Variants in MARK4 observed in about 807,000 individuals in gnomAD.
The protein encoded by MARK4 is MAP/microtubule affinity-regulating kinase 4.
MARK4 carries 19 observed loss-of-function variants against 81.5 expected under a neutral mutation model. The observed-to-expected ratio is 0.23, with a 90% confidence interval of 0.16 to 0.34. The LOEUF (loss-of-function observed/expected upper bound fraction) is 0.34. MARK4 is among the 10% of genes least tolerant of loss of function. The pLI is 1.00. For synonymous variants in MARK4, 436 were observed against 439.0 expected (o/e 0.99, Z 0.08); for missense variants, 772 against 1,058.8 (o/e 0.73, Z 3.76).
intron 8 of MARK4, among the ~76,000 whole-genome samples, chr19:45,275,006 A>C (rs1970580319): frequency 6.6e-6 from 1 of 152,170 alleles, no homozygotes; most frequent in Admixed American, 6.5e-5. Context: ...CATGCCTGTA[A>C]TCCCAGCACC....
chr19:45,262,591 C>T (rs1297149932), intron 2 of MARK4, among the ~76,000 whole-genome samples: 1 of 152,216 alleles, frequency 6.6e-6, no homozygotes, highest in Non-Finnish European at 1.5e-5. Flanking sequence ...TCCATGCCCA[C>T]ATCCACTCAG....
chr19:45,283,102 T>G (rs1000579378), intron 12 of MARK4, among the ~76,000 whole-genome samples: 1 of 151,882 alleles, frequency 6.6e-6, no homozygotes, highest in Non-Finnish European at 1.5e-5. Flanking sequence ...AAAAGAAAAT[T>G]CACAACTTTT....
intron 16 of MARK4, among the ~76,000 whole-genome samples, chr19:45,301,215 C>T (rs1331636115): frequency 2.6e-5 from 4 of 151,720 alleles, no homozygotes; most frequent in Non-Finnish European, 5.9e-5. Context: ...CCCAGGAGGT[C>T]GAGGCTGCAG....
At chr19:45,293,326 A>G (rs899513151) in intron 13 of MARK4, among the ~76,000 whole-genome samples, 2 of 152,294 alleles carry the variant, frequency 1.3e-5, no homozygotes, top group Admixed American at 1.3e-4. Flanking sequence ...TTAAGGAAAA[A>G]AGACAGCAAA....
intron 16 of MARK4, among the ~76,000 whole-genome samples, chr19:45,300,797 G>T (rs1186451674): frequency 3.3e-5 from 5 of 152,096 alleles, no homozygotes; most frequent in Non-Finnish European, 5.9e-5. Flanking sequence ...CTAAACCAAT[G>T]CCTGCAGCCA....
In MARK4 at chr19:45,263,131, G is replaced by C; in HGVS notation, c.271G>C (p.Asp91His). Residue 91 changes from aspartate (D) to histidine (H), a missense_variant, in exon 3 of 17, where the codon GAC (aspartate) becomes CAC (histidine). Physicochemically the swap from Asp to His is moderately conservative, Grantham distance 81 (BLOSUM62 -1). Coordinates refer to ENST00000262891, the MANE Select transcript of MARK4 (RefSeq NM_001199867.2). ...TGREVAIKII[D>H]KTQLNPSSLQ... ...CCTCTAGGTTGCCATCAAGATTATC[G>C]ACAAAACCCAGCTGAATCCCAGCAG... The C allele has an allele frequency of 1.2e-6, 2 of 1,607,458 alleles. No homozygotes were observed. The highest frequency in any genetic ancestry group is 1.7e-6 in the Non-Finnish European group (2 of 1,176,774).
chr19:45,257,328 CTAT>C (rs1970319284), intron 1 of MARK4, among the ~76,000 whole-genome samples: 2 of 151,322 alleles, frequency 1.3e-5, no homozygotes, highest in South Asian at 4.2e-4. Flanking sequence ...AGCTGTAATG[CTAT>C]TATTGCACAC....
At chr19:45,292,262 A>C (rs1183655126) in intron 13 of MARK4, among the ~76,000 whole-genome samples, 2 of 149,572 alleles carry the variant, frequency 1.3e-5, no homozygotes, top group East Asian at 4.1e-4. Context: ...ACATGGTGAG[A>C]TCCTATCTCT....
intron 8 of MARK4, among the ~76,000 whole-genome samples, chr19:45,274,003 A>T (rs1463732988): frequency 2.6e-5 from 4 of 151,658 alleles, no homozygotes; most frequent in Non-Finnish European, 5.9e-5. Flanking sequence ...TAATCCCAGC[A>T]CTTTGGGAGG....
chr19:45,251,763 C>G, intron 1 of MARK4, 124 bp downstream of exon 1: 1 of 837,692 alleles, frequency 1.2e-6, no homozygotes. Context: ...GGCTCGTCAC[C>G]TCTCGACCCC....
chr19:45,263,544 C>T (rs1970407881), intron 4 of MARK4, among the ~76,000 whole-genome samples, 177 bp downstream of exon 4: 1 of 151,874 alleles, frequency 6.6e-6, no homozygotes. Context: ...GAGTTCGACA[C>T]CAGTCTGACC....
At chr19:45,255,765 G>T (rs977224764) in intron 1 of MARK4, among the ~76,000 whole-genome samples, 1 of 152,178 alleles carries the variant, frequency 6.6e-6, no homozygotes, top group Non-Finnish European at 1.5e-5. Flanking sequence ...TGGGCCCCCA[G>T]CCCATCAGCC....
At chr19:45,282,092 G>GA (rs1392031372) in intron 12 of MARK4, among the ~76,000 whole-genome samples, 2 of 151,850 alleles carry the variant, frequency 1.3e-5, no homozygotes, top group Non-Finnish European at 2.9e-5. Flanking sequence ...GCGTGTTGGT[G>GA]CGTGCCTATA....
chr19:45,252,188 C>G (rs945962612), intron 1 of MARK4, among the ~76,000 whole-genome samples: 2 of 151,988 alleles, frequency 1.3e-5, no homozygotes, highest in Non-Finnish European at 2.9e-5. Context: ...GTGGGCAGCC[C>G]CTGGCAGGAA....
intron 15 of MARK4, among the ~76,000 whole-genome samples, chr19:45,298,776 G>A (rs1970926027): frequency 6.6e-6 from 1 of 152,060 alleles, no homozygotes; most frequent in Non-Finnish European, 1.5e-5. Context: ...AAGTAACTAA[G>A]AAGAAAAATA....
At chr19:45,259,273 C>T (rs1407986580) in intron 2 of MARK4, 84 bp downstream of exon 2, 2 of 1,481,758 alleles carry the variant, frequency 1.3e-6, no homozygotes, top group Non-Finnish European at 9.1e-7. Flanking sequence ...TCAGGATTGG[C>T]CCTGGGTTTG....
intron 8 of MARK4, among the ~76,000 whole-genome samples, chr19:45,276,627 T>G (rs1333249935): frequency 1.3e-5 from 2 of 149,198 alleles, no homozygotes; most frequent in Non-Finnish European, 3.0e-5. Flanking sequence ...TACAGATTTT[T>G]TTTTTTTTTT....
chr19:45,299,580 C>T (rs1445418853), intron 15 of MARK4, among the ~76,000 whole-genome samples: 2 of 152,216 alleles, frequency 1.3e-5, no homozygotes, highest in African/African-American at 4.8e-5. Context: ...CACTCCCCTC[C>T]CTTTCATCTT....
chr19:45,263,408 A>T lies in MARK4; in HGVS notation c.355+41A>T, dbSNP rs1970405538. The T allele has an allele frequency of 5.0e-6, 8 of 1,613,154 alleles. No homozygotes were observed. The Admixed American group carries it at 1.3e-4, about 27-fold the overall frequency. On this transcript the variant is annotated intron_variant, in intron 4 of 16. Transcript: ENST00000262891. The stretch of plus-strand genomic sequence containing the variant: ...GAGCAGGGGCAGGCCACCAACTGGA[A>T]CACTTGCAAAGGAGTTGGGGGTGGT...
Sources: allele counts gnomAD v4.1 joint callset (sites outside exome capture counted in the v4.1 genomes callset), GRCh38; gene constraint gnomAD v4.1.1; transcripts MANE v1.5; gene names NCBI Gene and HGNC (gene_info 2026-07-23, HGNC 2026-07-21).